The following SH3D19 variants were observed in gnomAD, a reference collection of about 807,000 sequenced individuals.
The protein encoded by SH3D19 is SH3 domain-containing protein 19.
Under a neutral mutation model 112.1 loss-of-function variants are expected in SH3D19, and 58 were observed. The observed-to-expected ratio is 0.52, with a 90% CI of 0.42 to 0.64. The LOEUF is 0.64. SH3D19 is among the 30% of genes least tolerant of loss of function. SH3D19 has a pLI of 0.00. For synonymous variants in SH3D19, 391 were observed against 448.5 expected (o/e 0.87, Z 1.62); for missense variants, 1,090 against 1,263.4 (o/e 0.86, Z 2.08).
rs1029496471 is a variant in SH3D19 at position 151,122,267 on chromosome 4, T to C, written c.3028-60A>G. ...TGTTGAGAATAAGCATGGTAAATAG[T>C]GGCCTACCTAGGGCAGCATGAATAA... On this transcript the variant is annotated intron_variant, in intron 19 of 19. Transcript: ENST00000604030. The C allele has an allele frequency of 6.0e-5, 52 of 870,880 alleles. No individual in the cohort carries two copies. The African/African-American group carries it at 7.3e-4, about 12-fold the overall frequency. The allele number at this position is 870,880 out of a possible 1,614,324, so 53.9% of individuals were successfully genotyped here. A position where few individuals can be genotyped will look rare whatever the true frequency, so the allele number is the denominator to read the frequency against.
chr4:151,236,799 T>C (rs1345589684), intron 1 of SH3D19, among the ~76,000 whole-genome samples: 2 of 152,172 alleles, frequency 1.3e-5, no homozygotes, highest in Non-Finnish European at 2.9e-5. Context: ...CAATCGGCAC[T>C]CTGTGTCTAG....
At chr4:151,294,983 C>T (rs1474347534) in intron 1 of SH3D19, among the ~76,000 whole-genome samples, 3 of 152,040 alleles carry the variant, frequency 2.0e-5, no homozygotes, top group Admixed American at 1.3e-4. Flanking sequence ...GAGTAAACAG[C>T]GAGTACAAAG....
At position 151,325,412 on chromosome 4, in the gene SH3D19, A is replaced by G; in HGVS notation, c.-60T>C. 4 of 909,266 alleles carry G rather than the reference A, an allele frequency of 4.4e-6. No individual in the cohort carries two copies. The highest frequency in any genetic ancestry group is 5.7e-6 in the Non-Finnish European group (4 of 706,852). 56.3% of individuals were successfully genotyped at this position (909,266 alleles called of 1,614,324 possible). On this transcript the variant is annotated 5_prime_UTR_variant, in exon 1 of 20. Transcript: ENST00000604030. ...GCGAGCTGCGGCCCCGGCGCCCCAG[A>G]ACGCCTGCACCCGGCGCCCCACGCC...
chr4:151,121,846 G>A lies in SH3D19; in HGVS notation c.*245C>T, dbSNP rs1748016182. The A allele has an allele frequency of 3.1e-6, 1 of 321,962 alleles. No homozygotes were observed. The highest frequency in any genetic ancestry group is 5.6e-6 in the Non-Finnish European group (1 of 178,174). 19.9% of individuals were successfully genotyped at this position (321,962 alleles called of 1,614,324 possible). A position where few individuals can be genotyped will look rare whatever the true frequency, so the allele number is the denominator to read the frequency against. ...CCACCAGATGCTTTCCCTTCACCTT[G>A]CTAATCCCACTAGATGTTTTCCTCG... On this transcript the variant is annotated 3_prime_UTR_variant, in exon 20 of 20. Coordinates refer to ENST00000604030, the MANE Select transcript of SH3D19 (RefSeq NM_001378122.1).
At chr4:151,238,727 T>C (rs1463215373) in intron 1 of SH3D19, among the ~76,000 whole-genome samples, 1 of 151,978 alleles carries the variant, frequency 6.6e-6, no homozygotes, top group East Asian at 1.9e-4. Flanking sequence ...GCAGTCTTGG[T>C]CTCTAATGTA....
At chr4:151,282,322 C>A in intron 1 of SH3D19, 1 of 1,613,974 alleles carries the variant, frequency 6.2e-7, no homozygotes, top group Non-Finnish European at 8.5e-7. Flanking sequence ...CTTCTGCCAT[C>A]CTGCCTATTT....
intron 1 of SH3D19, chr4:151,277,171 A>T (rs750917290): frequency 2.7e-6 from 4 of 1,479,460 alleles, no homozygotes; most frequent in Non-Finnish European, 3.6e-6. Flanking sequence ...GAGGACAGAG[A>T]CATGGGCCCT....
intron 1 of SH3D19, among the ~76,000 whole-genome samples, chr4:151,313,316 T>C (rs1310667837): frequency 1.3e-5 from 2 of 152,154 alleles, no homozygotes; most frequent in Admixed American, 6.5e-5. Context: ...AGGTGAGAGA[T>C]AAAAAGTTAC....
At chr4:151,323,103 T>C (rs553870533) in intron 1 of SH3D19, among the ~76,000 whole-genome samples, 10 of 152,356 alleles carry the variant, frequency 6.6e-5, no homozygotes, top group African/African-American at 2.4e-4. Flanking sequence ...AAATTTCATA[T>C]GTTCTTCTGT....
chr4:151,295,456 TTAGAGTAAGGCCC>T (rs1290525396), intron 1 of SH3D19, among the ~76,000 whole-genome samples: 20 of 152,224 alleles, frequency 1.3e-4, no homozygotes, highest in Admixed American at 1.1e-3. Context: ...TGCACTGTCC[TTAGAGTAAGGCCC>T]TATTTACCAA....
Position 151,199,785 on chromosome 4 carries a change from C to T in SH3D19, c.153-12322G>A, listed in dbSNP as rs191949470. On this transcript the variant is annotated intron_variant, in intron 2 of 19. Coordinates refer to ENST00000604030, the MANE Select transcript of SH3D19 (RefSeq NM_001378122.1). ...CCATGTCTACAAGGAAAACAAGTCC[C>T]CAAACTACGAAATAGTATAATCCCA... Among the ~76,000 whole-genome samples the T allele has an allele frequency of 3.4e-3, 525 of 152,246 alleles. 5 individuals carry two copies. Among genetic ancestry groups the T allele is most frequent in the African/African-American group, 0.012 (490 of 41,540 alleles).
chr4:151,185,047 T>G (rs1437871271), intron 3 of SH3D19, among the ~76,000 whole-genome samples: 6 of 143,174 alleles, frequency 4.2e-5, no homozygotes, highest in African/African-American at 1.3e-4. Flanking sequence ...CCTGTTTTTT[T>G]TTTTTTTTTT....
intron 2 of SH3D19, among the ~76,000 whole-genome samples, chr4:151,189,981 C>T (rs748799846): frequency 2.0e-5 from 3 of 152,118 alleles, no homozygotes; most frequent in African/African-American, 4.8e-5. Flanking sequence ...GCCCAAAATG[C>T]TGATAATGAT....
At chr4:151,263,047 T>G (rs1010653810) in intron 1 of SH3D19, among the ~76,000 whole-genome samples, 2 of 152,146 alleles carry the variant, frequency 1.3e-5, no homozygotes, top group Non-Finnish European at 2.9e-5. Flanking sequence ...GAAGACAGAT[T>G]TTGAAGAGTC....
intron 9 of SH3D19, among the ~76,000 whole-genome samples, chr4:151,158,566 C>G (rs1756563901): frequency 6.6e-6 from 1 of 151,886 alleles, no homozygotes; most frequent in South Asian, 2.1e-4. Flanking sequence ...TCCCAAAGTG[C>G]TGGGATTACA....
At chr4:151,291,749 A>T (rs1775354688) in intron 1 of SH3D19, among the ~76,000 whole-genome samples, 1 of 152,192 alleles carries the variant, frequency 6.6e-6, no homozygotes, top group African/African-American at 2.4e-5. Flanking sequence ...TTAAATAGCT[A>T]CTACAGAGGC....
chr4:151,143,854 C>G, intron 12 of SH3D19, 56 bp downstream of exon 12: 1 of 1,520,860 alleles, frequency 6.6e-7, no homozygotes, highest in Non-Finnish European at 8.9e-7. Context: ...ATTAATAGTT[C>G]CATGAAATGT....
rs533801172 is a variant in SH3D19, at chr4:151,255,620, G to A, written c.113-29534C>T. On this transcript the variant is annotated intron_variant, in intron 1 of 19. Transcript: ENST00000604030. ...CAGAGACGCTCCTCACTTCCCAGAC[G>A]GGGTGGCGGCCGGGCAGAGGCTGCA... 7.9e-5 allele frequency among the ~76,000 whole-genome samples: 12 copies of A among 152,136 alleles called. No homozygotes were observed. The South Asian group carries it at 2.3e-3, about 29-fold the overall frequency.
At chr4:151,246,997 G>A (rs974856764) in intron 1 of SH3D19, among the ~76,000 whole-genome samples, 2 of 152,158 alleles carry the variant, frequency 1.3e-5, no homozygotes, top group Non-Finnish European at 2.9e-5. Flanking sequence ...GACGGTGCTG[G>A]GGTTCCAAAC....
Sources: allele counts gnomAD v4.1 joint callset (sites outside exome capture counted in the v4.1 genomes callset), GRCh38; gene constraint gnomAD v4.1.1; transcripts MANE v1.5; gene names NCBI Gene and HGNC (gene_info 2026-07-23, HGNC 2026-07-21).